Variants in PSIP1 observed in about 807,000 individuals in gnomAD.
PSIP1 encodes PC4 and SFRS1-interacting protein.
In PSIP1, 19 loss-of-function variants were observed where a neutral mutation model predicts 74.7. The observed-to-expected ratio is 0.25, with a 90% CI of 0.18 to 0.37. The LOEUF is 0.37. PSIP1 is among the 10% of genes least tolerant of loss of function. The pLI is 1.00. For missense variants in PSIP1, 601 were observed against 614.3 expected, an observed-to-expected ratio of 0.98 and a Z score of 0.23; for synonymous variants, 222 against 195.3, an observed-to-expected ratio of 1.14 and a Z score of -1.14.
Position 15,500,801 on chromosome 9 carries a change from T to C in PSIP1, c.149+5760A>G, listed in dbSNP as rs550641168. On this transcript the variant is annotated intron_variant, in intron 3 of 15. Transcript: ENST00000380733. ...GTAAGGAGGAAAAAACAGCAAAATA[T>C]CTTTATTTAAATTTCCTAGACTTCT... Among the ~76,000 whole-genome samples the C allele has an allele frequency of 1.9e-3, 282 of 152,252 alleles. 1 individual carries two copies. The highest frequency in any genetic ancestry group is 3.3e-3 in the Non-Finnish European group (227 of 68,012).
At chr9:15,490,682 CAAAAAAAAAAA>C (rs869054621) in intron 3 of PSIP1, among the ~76,000 whole-genome samples, 1 of 57,316 alleles carries the variant, frequency 1.7e-5, no homozygotes, top group Admixed American at 2.1e-4. Context: ...GACTCTGTCT[CAAAAAAAAAAA>C]AAAAAAAAAA....
intron 6 of PSIP1, among the ~76,000 whole-genome samples, chr9:15,482,561 C>G (rs1252951316): frequency 6.6e-6 from 1 of 152,166 alleles, no homozygotes; most frequent in Admixed American, 6.5e-5. Context: ...TGTTAAGAGA[C>G]TGAAACATCC....
intron 9 of PSIP1, among the ~76,000 whole-genome samples, chr9:15,473,772 A>G (rs2035943670): frequency 2.0e-5 from 3 of 152,018 alleles, no homozygotes; most frequent in Admixed American, 2.0e-4. Context: ...GTGGTGGCAC[A>G]TGCCTGTACT....
chr9:15,480,590 A>G (rs1331160983), intron 6 of PSIP1, among the ~76,000 whole-genome samples: 1 of 152,246 alleles, frequency 6.6e-6, no homozygotes, highest in East Asian at 1.9e-4. Flanking sequence ...ATGAAAGCAC[A>G]TAATTATGAA....
chr9:15,501,929 T>C (rs986863573), intron 3 of PSIP1, among the ~76,000 whole-genome samples: 3 of 150,514 alleles, frequency 2.0e-5, no homozygotes, highest in Admixed American at 6.6e-5. Flanking sequence ...CAAGGACCAG[T>C]ACCCGTCCGT....
intron 9 of PSIP1, 78 bp downstream of exon 9, chr9:15,473,927 CAAAA>C (rs768554289): frequency 5.6e-5 from 29 of 514,874 alleles, no homozygotes; most frequent in South Asian, 2.3e-4. Context: ...AAAAAAAAAA[CAAAA>C]AAAAAACAAA....
intron 3 of PSIP1, among the ~76,000 whole-genome samples, chr9:15,500,800 A>G (rs2037307318): frequency 6.6e-6 from 1 of 152,180 alleles, no homozygotes; most frequent in Non-Finnish European, 1.5e-5. Flanking sequence ...ACAGCAAAAT[A>G]TCTTTATTTA....
intron 6 of PSIP1, among the ~76,000 whole-genome samples, chr9:15,481,407 G>A (rs147496040): frequency 7.2e-5 from 11 of 152,336 alleles, no homozygotes; most frequent in African/African-American, 2.6e-4. Flanking sequence ...AGAATTATAG[G>A]TAGGGTTGGG....
At chr9:15,503,963 T>C (rs888247245) in intron 3 of PSIP1, among the ~76,000 whole-genome samples, 3 of 152,142 alleles carry the variant, frequency 2.0e-5, no homozygotes, top group African/African-American at 7.2e-5. Flanking sequence ...GCCAAAGTGG[T>C]CTTGAACTCC....
chr9:15,471,371 T>G (rs1321538440), intron 10 of PSIP1: 1 of 1,544,472 alleles, frequency 6.5e-7, no homozygotes, highest in African/African-American at 1.4e-5. Flanking sequence ...AATATTAGAA[T>G]TTGAGAAAGT....
intron 1 of PSIP1, 22 bp from the exon 2 acceptor site, chr9:15,510,351 G>T: frequency 5.5e-6 from 1 of 182,838 alleles, no homozygotes; most frequent in South Asian, 6.8e-5. Context: ...ACCGAGGGCG[G>T]TTAAAGCGAA....
In PSIP1 at chr9:15,486,654, T is replaced by A. The variant is rs545499036; in HGVS notation, c.393+173A>T. The stretch of plus-strand genomic sequence containing the variant: ...GGTATGCATCTTAAAGATGCATAAG[T>A]TGTTTGACAATACTGTATTTAATAT... On this transcript the variant is annotated intron_variant, in intron 5 of 15. Transcript: ENST00000380733. 3.7e-4 allele frequency among the ~76,000 whole-genome samples: 56 copies of A among 152,306 alleles called. 1 individual carries two copies. The East Asian group carries it at 8.9e-3, about 24-fold the overall frequency.
Position 15,499,851 on chromosome 9 carries a change from A to G in PSIP1, c.149+6710T>C, listed in dbSNP as rs145192301. ...ATCACGCCACTGCACTCTAGCCTGG[A>G]CCACAGAGCAAGAGACTCTGTCTCA... On this transcript the variant is annotated intron_variant, in intron 3 of 15. Transcript: ENST00000380733. Among the ~76,000 whole-genome samples, 1,418 of 149,760 alleles carry G rather than the reference A, an allele frequency of 9.5e-3. 16 individuals are homozygous for G. Among genetic ancestry groups the G allele is most frequent in the African/African-American group, 0.033 (1,338 of 40,416 alleles).
chr9:15,507,777 T>C (rs190331173), intron 2 of PSIP1, among the ~76,000 whole-genome samples: 62 of 152,376 alleles, frequency 4.1e-4, no homozygotes, highest in African/African-American at 1.5e-3. Flanking sequence ...TACTATCCTC[T>C]GTAAGCATTA....
At chr9:15,470,763 G>A (rs1409982011) in intron 10 of PSIP1, 1 of 974,312 alleles carries the variant, frequency 1.0e-6, no homozygotes. Flanking sequence ...AAACAACAAA[G>A]GAATGTCAAG....
rs182102969 is a variant in PSIP1, at chr9:15,464,621, A to C, written c.*899T>G. ...TATAACATTTATTCATATTTATTGT[A>C]TAAGCATCATGATTTTTTCTTCCAA... On this transcript the variant is annotated 3_prime_UTR_variant, in exon 16 of 16. Transcript: ENST00000380733. The C allele has an allele frequency of 2.2e-3, 427 of 197,840 alleles. No homozygotes were observed. Among genetic ancestry groups the C allele is most frequent in the African/African-American group, 8.9e-3 (385 of 43,472 alleles). 12.3% of individuals were successfully genotyped at this position (197,840 alleles called of 1,614,324 possible).
chr9:15,494,953 C>T lies in PSIP1; in HGVS notation c.150-4829G>A, dbSNP rs181652347. 5.9e-5 allele frequency among the ~76,000 whole-genome samples: 9 copies of T among 152,170 alleles called. No homozygotes were observed. In the East Asian group the frequency reaches 1.5e-3, roughly 26 times the overall value. On this transcript the variant is annotated intron_variant, in intron 3 of 15. Coordinates refer to ENST00000380733, the MANE Select transcript of PSIP1 (RefSeq NM_033222.5). ...ACCTCCATGAAAACGTATTTCTGGT[C>T]AGAACAAACCCAATTCAACACAAAT...
Position 15,510,220 on chromosome 9 carries a change from CG to C in PSIP1, c.-33del, listed in dbSNP as rs757682745. ...GGGGCGAGACCGGGGGTCCGAAGCC[CG>C]GGAGGCGGCGAGGAGATGCGGCGGC... On this transcript the variant is annotated 5_prime_UTR_variant, in exon 2 of 16. Transcript: ENST00000380733. The C allele has an allele frequency of 1.5e-5, 24 of 1,588,502 alleles. No individual in the cohort carries two copies. The highest frequency in any genetic ancestry group is 2.8e-5 in the African/African-American group (2 of 72,134).
At position 15,467,575 on chromosome 9, in the gene PSIP1, A is replaced by G. The variant is rs148010982; in HGVS notation, c.1421-716T>C. Among the ~76,000 whole-genome samples, 25 of 152,344 alleles carry G rather than the reference A, an allele frequency of 1.6e-4. No homozygotes were observed. In the East Asian group the frequency reaches 4.2e-3, roughly 26 times the overall value. ...GGGATTTTTCGTAAAACAACTTTCA[A>G]GAGGGGCATAGAGAAAGCTTATGGG... On this transcript the variant is annotated intron_variant, in intron 14 of 15. Coordinates refer to ENST00000380733, the MANE Select transcript of PSIP1 (RefSeq NM_033222.5).
Sources: allele counts gnomAD v4.1 joint callset (sites outside exome capture counted in the v4.1 genomes callset), GRCh38; gene constraint gnomAD v4.1.1; transcripts MANE v1.5; gene names NCBI Gene and HGNC (gene_info 2026-07-23, HGNC 2026-07-21).